TENM4: variants seen among roughly 807,000 people sequenced by gnomAD.
The protein encoded by TENM4 is teneurin-4.
In TENM4, 82 loss-of-function variants were observed where a neutral mutation model predicts 243.3. The ratio of observed to expected loss-of-function variants is 0.34; its 90% CI spans 0.28 to 0.40. TENM4 has a LOEUF of 0.40. Ranked by LOEUF, TENM4 falls within the 10% of genes least tolerant of loss-of-function variation. The pLI is 1.00. For synonymous variants in TENM4, 1,412 were observed against 1,456.3 expected, an observed-to-expected ratio of 0.97 and a Z score of 0.69; for missense variants, 3,138 against 3,673.3, an observed-to-expected ratio of 0.85 and a Z score of 3.77.
chr11:79,327,039 A>G (rs11237788), intron 1 of TENM4, among the ~76,000 whole-genome samples: 30,336 of 152,134 alleles, frequency 0.2, 3,275 homozygotes, highest in East Asian at 0.35. Flanking sequence ...AATTAAATAT[A>G]TGGTTTGCCC....
intron 3 of TENM4, among the ~76,000 whole-genome samples, chr11:79,185,973 G>A (rs896774570): frequency 6.6e-6 from 1 of 152,102 alleles, no homozygotes; most frequent in African/African-American, 2.4e-5. Flanking sequence ...GTATAGAAGG[G>A]TTAGTTTCAT....
intron 4 of TENM4, chr11:79,097,803 C>T (rs1007378495): frequency 6.6e-6 from 1 of 150,856 alleles, no homozygotes; most frequent in African/African-American, 2.4e-5. Flanking sequence ...AAACTCCTCA[C>T]TGAGTTTATA....
chr11:78,725,735 T>C (rs1855495349), intron 23 of TENM4, among the ~76,000 whole-genome samples: 1 of 152,208 alleles, frequency 6.6e-6, no homozygotes, highest in East Asian at 1.9e-4. Context: ...AGAGACACAT[T>C]GATGAACCAA....
rs1390924243 is a variant in TENM4 at position 79,096,926 on chromosome 11, GCGCACACA to G, written c.-65-26925_-65-26918del. On this transcript the variant is annotated intron_variant, in intron 4 of 33. Coordinates refer to ENST00000278550, the MANE Select transcript of TENM4 (RefSeq NM_001098816.3). Reference sequence around the variant, plus strand: ...GGCATGCACGCACATGCGCGCGCGCGCGCACACACACACACACACACACACACACACAC... The same window carrying G: ...GGCATGCACGCACATGCGCGCGCGCGCACACACACACACACACACACACAC... The G allele has an allele frequency of 3.7e-3, 462 of 124,422 alleles. 1 individual carries two copies. Among genetic ancestry groups the G allele is most frequent in the Non-Finnish European group, 5.9e-3 (359 of 60,738 alleles). 7.7% of individuals were successfully genotyped at this position (124,422 alleles called of 1,614,324 possible).
At chr11:79,377,643 T>C (rs990804141) in intron 1 of TENM4, among the ~76,000 whole-genome samples, 2 of 152,202 alleles carry the variant, frequency 1.3e-5, no homozygotes, top group Admixed American at 6.5e-5. Flanking sequence ...TTTTTTGTTA[T>C]GCAAATAAGT....
intron 1 of TENM4, among the ~76,000 whole-genome samples, chr11:79,349,189 A>AC (rs1248860406): frequency 1.3e-5 from 2 of 151,958 alleles, no homozygotes; most frequent in East Asian, 3.9e-4. Context: ...TGAAATTGTC[A>AC]CCCCATTTAC....
intron 1 of TENM4, among the ~76,000 whole-genome samples, chr11:79,390,742 C>T (rs970493079): frequency 2.0e-5 from 3 of 152,190 alleles, no homozygotes; most frequent in Admixed American, 6.5e-5. Flanking sequence ...TGACCTCACT[C>T]CAAGATCCTT....
At position 79,221,715 on chromosome 11, in the gene TENM4, T is replaced by G. The variant is rs570680848; in HGVS notation, c.-264-5806A>C. 3.9e-5 allele frequency among the ~76,000 whole-genome samples: 6 copies of G among 152,294 alleles called. No homozygotes were observed. In the East Asian group the frequency reaches 1.2e-3, roughly 29 times the overall value. On this transcript the variant is annotated intron_variant, in intron 2 of 33. Transcript: ENST00000278550. ...AATGGAATGTTTCTCGGTGAGCAGC[T>G]GCATATTTTTAATGCACACAAGGGG...
chr11:79,358,878 T>C (rs1857542114), intron 1 of TENM4, among the ~76,000 whole-genome samples: 1 of 152,084 alleles, frequency 6.6e-6, no homozygotes, highest in Non-Finnish European at 1.5e-5. Flanking sequence ...ATACTGATGA[T>C]AGTGTAGTAA....
intron 33 of TENM4, among the ~76,000 whole-genome samples, chr11:78,660,759 G>A (rs1858010882): frequency 6.6e-6 from 1 of 152,210 alleles, no homozygotes; most frequent in African/African-American, 2.4e-5. Context: ...TGAATGGATT[G>A]GGGTAGTAGG....
At position 78,669,827 on chromosome 11, in the gene TENM4, A is replaced by G. The variant is rs769805550; in HGVS notation, c.6518T>C (p.Met2173Thr). The change falls in exon 32 of 34, where the codon ATG becomes ACG. Residue 2173 changes from methionine to threonine, a missense_variant. By Grantham distance (81) the Met-to-Thr change is moderately conservative (BLOSUM62 -1). This residue lies in a region of TENM4 where 2,467 missense variants were observed against 3,059.1 expected (regional missense o/e 0.81). Transcript: ENST00000278550. This position sits in a 1 kb window ranked among gnomAD's most constrained non-coding sequence, Gnocchi z 6.4. ...CAGCTCCTTCTTCACTACTCGCCCC[A>G]TGTTATCATACTGGACGGTCATCCA... ...MYWMTVQYDN[M>T]GRVVKKELKV... is the part of the protein sequence containing the mutation. The G allele has an allele frequency of 1.6e-5, 26 of 1,613,750 alleles. No individual in the cohort carries two copies. The East Asian group carries it at 5.8e-4, about 36-fold the overall frequency.
At chr11:78,958,783 A>G (rs1482591779) in intron 6 of TENM4, among the ~76,000 whole-genome samples, 1 of 152,348 alleles carries the variant, frequency 6.6e-6, no homozygotes, top group Admixed American at 6.5e-5. Flanking sequence ...TTCACCCTTT[A>G]GGAGCCAAAG....
At chr11:78,769,436 ACT>A (rs57456278) in intron 18 of TENM4, among the ~76,000 whole-genome samples, 20,741 of 151,920 alleles carry the variant, frequency 0.14, 1,612 homozygotes, top group East Asian at 0.39. Context: ...CTAATATATA[ACT>A]CTACAACAGC....
At chr11:79,158,306 C>T (rs1862665232) in intron 3 of TENM4, among the ~76,000 whole-genome samples, 1 of 152,204 alleles carries the variant, frequency 6.6e-6, no homozygotes, top group Non-Finnish European at 1.5e-5. Context: ...ATGATCTCCC[C>T]TTGCAAAGTT....
Position 78,964,306 on chromosome 11 carries a change from G to C in TENM4, c.494-60783C>G, listed in dbSNP as rs534060615. Among the ~76,000 whole-genome samples the C allele has an allele frequency of 5.9e-5, 9 of 152,212 alleles. No individual in the cohort carries two copies. The South Asian group carries it at 1.7e-3, about 28-fold the overall frequency. On this transcript the variant is annotated intron_variant, in intron 6 of 33. Coordinates refer to ENST00000278550, the MANE Select transcript of TENM4 (RefSeq NM_001098816.3). ...TCTGCCTGCCTCGACCTCCCAAAGTGCTGGGATTACAGGTGTGAGCCACCG... is the reference window on the plus strand; with the variant it reads ...TCTGCCTGCCTCGACCTCCCAAAGTCCTGGGATTACAGGTGTGAGCCACCG...
chr11:78,990,541 G>A (rs184014644), intron 6 of TENM4, among the ~76,000 whole-genome samples: 3 of 152,304 alleles, frequency 2.0e-5, no homozygotes, highest in South Asian at 4.1e-4. Context: ...TATACTGCGA[G>A]GGAGTAATCC....
intron 2 of TENM4, among the ~76,000 whole-genome samples, chr11:79,267,962 C>G (rs1056096366): frequency 2.0e-5 from 3 of 152,200 alleles, no homozygotes; most frequent in African/African-American, 7.2e-5. Flanking sequence ...AAGATCCTTT[C>G]TGTTCCTATC....
In TENM4 at chr11:79,440,702, G is replaced by T. The variant is rs1336167820; in HGVS notation, c.-514C>A. ...AGACCAACAATAGCTCCCGCGGGGA[G>T]CGGAGCCCCAGCGAGCCTCCAGCCG... is the stretch of plus-strand genomic sequence containing the variant. On this transcript the variant is annotated 5_prime_UTR_variant, in exon 1 of 34. Coordinates refer to ENST00000278550, the MANE Select transcript of TENM4 (RefSeq NM_001098816.3). The surrounding 1 kb of genome is among the most constrained non-coding windows in gnomAD (Gnocchi z 4.7). 1 of 152,214 alleles carries T rather than the reference G, an allele frequency of 6.6e-6. No homozygotes were observed. The highest frequency in any genetic ancestry group is 1.5e-5 in the Non-Finnish European group (1 of 68,152). 9.4% of individuals were successfully genotyped at this position (152,214 alleles called of 1,614,324 possible).
chr11:79,115,040 GATA>G (rs1861590183), intron 4 of TENM4, among the ~76,000 whole-genome samples: 1 of 152,166 alleles, frequency 6.6e-6, no homozygotes, highest in South Asian at 2.1e-4. Flanking sequence ...CAGGGAGATT[GATA>G]ATAATAACTA....
Sources: allele counts gnomAD v4.1 joint callset (sites outside exome capture counted in the v4.1 genomes callset), GRCh38; gene constraint gnomAD v4.1.1; regional missense constraint gnomAD v4.1.1; non-coding constraint Gnocchi (gnomAD v3.1); transcripts MANE v1.5; gene names NCBI Gene and HGNC (gene_info 2026-07-23, HGNC 2026-07-21).